ALKBH1: variants seen among roughly 807,000 people sequenced by gnomAD.
ALKBH1 encodes the protein nucleic acid dioxygenase ALKBH1.
ALKBH1 carries 31 observed loss-of-function variants against 36.6 expected under a neutral mutation model. The ratio of observed to expected loss-of-function variants is 0.85; its 90% confidence interval spans 0.64 to 1.14. The LOEUF is 1.14. ALKBH1 is among the 50% of genes most tolerant of loss of function. The probability of loss-of-function intolerance (pLI) is 0.00; values close to 1 mark genes in which losing one functional copy is unlikely to be tolerated. For missense variants in ALKBH1, 490 were observed against 497.3 expected, an observed-to-expected ratio of 0.99 and a Z score of 0.14; for synonymous variants, 183 against 186.6, an observed-to-expected ratio of 0.98 and a Z score of 0.16.
At chr14:77,675,524 C>T in intron 5 of ALKBH1, 132 bp downstream of exon 5, 1 of 641,736 alleles carries the variant, frequency 1.6e-6, no homozygotes. Flanking sequence ...TATTAAAATT[C>T]CCAGAAGTGG....
chr14:77,705,526 T>C (rs1014925374), intron 1 of ALKBH1, among the ~76,000 whole-genome samples: 1 of 152,126 alleles, frequency 6.6e-6, no homozygotes, highest in African/African-American at 2.4e-5. Flanking sequence ...TAAAAAATCC[T>C]GTTTGCCCTC....
chr14:77,706,108 T>C (rs8012858), intron 1 of ALKBH1, among the ~76,000 whole-genome samples: 5,728 of 150,926 alleles, frequency 0.038, 231 homozygotes, highest in African/African-American at 0.1. Context: ...CACACACACA[T>C]ATATATATAT....
At chr14:77,680,677 CTTTT>C (rs1555383644) in intron 3 of ALKBH1, among the ~76,000 whole-genome samples, 19 of 124,334 alleles carry the variant, frequency 1.5e-4, no homozygotes, top group East Asian at 4.3e-4. Context: ...ATTAACTACT[CTTTT>C]TTTTTTTTTT....
At chr14:77,692,549 G>C (rs1200542927) in intron 3 of ALKBH1, among the ~76,000 whole-genome samples, 1 of 152,176 alleles carries the variant, frequency 6.6e-6, no homozygotes, top group Non-Finnish European at 1.5e-5. Flanking sequence ...TGATCTGACA[G>C]GGGGCGAAGC....
At chr14:77,685,115 CT>C (rs1261022648) in intron 3 of ALKBH1, among the ~76,000 whole-genome samples, 2 of 151,994 alleles carry the variant, frequency 1.3e-5, no homozygotes, top group Admixed American at 6.6e-5. Flanking sequence ...TGTAATATAC[CT>C]TTTCTAATTT....
chr14:77,679,501 G>A (rs1368425635), intron 4 of ALKBH1, among the ~76,000 whole-genome samples: 1 of 152,010 alleles, frequency 6.6e-6, no homozygotes, highest in Non-Finnish European at 1.5e-5. Flanking sequence ...TGCGATCTTG[G>A]CTCACTGCAA....
At chr14:77,702,069 C>A (rs1345393026) in intron 2 of ALKBH1, among the ~76,000 whole-genome samples, 1 of 152,100 alleles carries the variant, frequency 6.6e-6, no homozygotes, top group Non-Finnish European at 1.5e-5. Flanking sequence ...GAGGTCAAGG[C>A]AGGTGGATCA....
chr14:77,675,997 TC>T, intron 4 of ALKBH1, 148 bp from the exon 5 acceptor site: 2 of 718,766 alleles, frequency 2.8e-6, no homozygotes, highest in Non-Finnish European at 2.2e-6. Flanking sequence ...TCTTTTCTTT[TC>T]TTTTTTTTTT....
chr14:77,675,988 C>A, intron 4 of ALKBH1, 139 bp from the exon 5 acceptor site: 13 of 697,706 alleles, frequency 1.9e-5, no homozygotes, highest in Non-Finnish European at 2.5e-5. Context: ...TCTATCCATT[C>A]TTTTCTTTTC....
rs772628922 is a variant in ALKBH1 at position 77,694,829 on chromosome 14, A to G, written c.364T>C (p.Tyr122His). The change falls in exon 3 of 6, where the codon TAT becomes CAT. Residue 122 changes from tyrosine to histidine, a missense_variant. Tyr to His is a moderately conservative substitution (Grantham distance 83, BLOSUM62 2). Transcript: ENST00000216489. ...TTACATACATTAGGTTTCTGGGAAT[A>G]TAACTTAAGGCACTGTTTCACCCAG... ...WHWVKQCLKL[Y>H]SQKPNVCNLD... 6 of 1,607,134 alleles carry G rather than the reference A, an allele frequency of 3.7e-6. No homozygotes were observed. Among genetic ancestry groups the G allele is most frequent in the Middle Eastern group, 1.6e-4 (1 of 6,076 alleles).
intron 2 of ALKBH1, among the ~76,000 whole-genome samples, chr14:77,696,234 G>A (rs115205766): frequency 0.014 from 2,120 of 152,102 alleles, 48 homozygotes; most frequent in African/African-American, 0.049. Flanking sequence ...TGTTGCCCAG[G>A]CTGGAGAACA....
chr14:77,672,484 A>G lies in ALKBH1; in HGVS notation c.*1328T>C, dbSNP rs1364022414. On this transcript the variant is annotated 3_prime_UTR_variant, in exon 6 of 6. Transcript: ENST00000216489. ...ACTCAATATTCAATGCCAGTAATTT[A>G]AAAAAGGGGCAGAGCAGGACAGAGG... 6.6e-6 allele frequency: 1 copy of G among 152,262 alleles called. No individual in the cohort carries two copies. Among genetic ancestry groups the G allele is most frequent in the Non-Finnish European group, 1.5e-5 (1 of 68,054 alleles). 9.4% of individuals were successfully genotyped at this position (152,262 alleles called of 1,614,324 possible).
At chr14:77,677,801 T>C (rs2080213954) in intron 4 of ALKBH1, among the ~76,000 whole-genome samples, 1 of 152,146 alleles carries the variant, frequency 6.6e-6, no homozygotes, top group African/African-American at 2.4e-5. Context: ...ACTTTAAGTT[T>C]TCCTCTATCA....
chr14:77,692,972 G>A (rs1034003624), intron 3 of ALKBH1, among the ~76,000 whole-genome samples: 12 of 151,640 alleles, frequency 7.9e-5, no homozygotes, highest in African/African-American at 1.5e-4. Flanking sequence ...TTGGGAGGCC[G>A]AGGTGGGCAG....
chr14:77,692,031 C>G (rs895813841), intron 3 of ALKBH1: 1 of 152,158 alleles, frequency 6.6e-6, no homozygotes, highest in Non-Finnish European at 1.5e-5. Context: ...TTTTCCTTTC[C>G]CCTTAAGAAA....
In ALKBH1 at chr14:77,673,368, A is replaced by ATC. The variant is rs2080186711; in HGVS notation, c.*443_*444insGA. 1.2e-5 allele frequency: 2 copies of ATC among 163,316 alleles called. No individual in the cohort carries two copies. The highest frequency in any genetic ancestry group is 4.8e-5 in the African/African-American group (2 of 41,600). The allele number at this position is 163,316 out of a possible 1,614,324, so 10.1% of individuals were successfully genotyped here. A position where few individuals can be genotyped will look rare whatever the true frequency, so the allele number is the denominator to read the frequency against. On this transcript the variant is annotated 3_prime_UTR_variant, in exon 6 of 6. Transcript: ENST00000216489. Reference sequence around the variant, plus strand: ...TTTGATGATGCCTGAGGGAGTTAAGAAGATGAGACTAATAGCTGGTTCACA... The same window carrying ATC: ...TTTGATGATGCCTGAGGGAGTTAAGATCAGATGAGACTAATAGCTGGTTCACA...
At position 77,704,488 on chromosome 14, in the gene ALKBH1, G is replaced by C; in HGVS notation, c.184-11C>G. On this transcript the variant is annotated splice_polypyrimidine_tract_variant and intron_variant, in intron 1 of 5. Coordinates refer to ENST00000216489, the MANE Select transcript of ALKBH1 (RefSeq NM_006020.3). ...CTGAGATTTGATCACCTGGCAGGAA[G>C]GAAACAGAAGTTAAAGGACTAAATC... The C allele has an allele frequency of 6.2e-7, 1 of 1,606,568 alleles. No homozygotes were observed. Among genetic ancestry groups the C allele is most frequent in the Non-Finnish European group, 8.5e-7 (1 of 1,173,266 alleles).
At chr14:77,688,818 C>A (rs778899156) in intron 3 of ALKBH1, among the ~76,000 whole-genome samples, 5 of 152,094 alleles carry the variant, frequency 3.3e-5, no homozygotes, top group African/African-American at 4.8e-5. Flanking sequence ...GTGATCCCCC[C>A]ACCTTGACCT....
chr14:77,675,998 C>CCTT, intron 4 of ALKBH1, 149 bp from the exon 5 acceptor site: 2 of 564,480 alleles, frequency 3.5e-6, no homozygotes, highest in Non-Finnish European at 5.9e-6. Context: ...CTTTTCTTTT[C>CCTT]TTTTTTTTTT....
Sources: gnomAD v4.1 joint callset for allele counts (sites outside exome capture counted in the v4.1 genomes callset) on GRCh38, gnomAD v4.1.1 for gene constraint, MANE v1.5 for transcripts, NCBI Gene and HGNC (gene_info 2026-07-23, HGNC 2026-07-21) for gene names.